The following PCDHA13 variants were observed in gnomAD, a reference collection of about 807,000 sequenced individuals.
The protein encoded by PCDHA13 is protocadherin alpha 13.
A neutral mutation model predicts 64.8 loss-of-function variants in PCDHA13; 54 were observed. That is an observed-to-expected ratio of 0.83 (90% CI 0.67 to 1.04). The LOEUF (loss-of-function observed/expected upper bound fraction) is 1.04. PCDHA13 is among the 50% of genes least tolerant of loss of function. The pLI is 0.00. For missense variants in PCDHA13, 1,248 were observed against 1,254.3 expected, an observed-to-expected ratio of 0.99 and a Z score of 0.08; for synonymous variants, 587 against 564.4, an observed-to-expected ratio of 1.04 and a Z score of -0.57.
At chr5:141,000,379 C>G (rs1286955585) in intron 3 of PCDHA13, among the ~76,000 whole-genome samples, 6 of 60,366 alleles carry the variant, frequency 9.9e-5, no homozygotes, top group South Asian at 5.4e-4. Context: ...CTCTCTCTCT[C>G]TCTCTCTCTC....
intron 3 of PCDHA13, among the ~76,000 whole-genome samples, chr5:141,000,403 A>G (rs1233777704): frequency 4.8e-5 from 4 of 84,110 alleles, no homozygotes; most frequent in Non-Finnish European, 9.0e-5. Context: ...CTCTATATAT[A>G]TATATATATA....
intron 1 of PCDHA13, among the ~76,000 whole-genome samples, chr5:140,964,713 A>C (rs2095850699): frequency 6.6e-6 from 1 of 152,070 alleles, no homozygotes; most frequent in South Asian, 2.1e-4. Flanking sequence ...TCCGAGATCA[A>C]ATTACCACAG....
In PCDHA13 at chr5:141,009,991, T is replaced by G. The variant is rs929729966; in HGVS notation, c.*54T>G. Reference sequence around the variant, plus strand: ...CCAGTTTTTGTAATAATGGCAAATCTCTCCCATGTAGCAATTCCCTGCTCC... The same window carrying G: ...CCAGTTTTTGTAATAATGGCAAATCGCTCCCATGTAGCAATTCCCTGCTCC... On this transcript the variant is annotated 3_prime_UTR_variant, in exon 4 of 4. Coordinates refer to ENST00000289272, the MANE Select transcript of PCDHA13 (RefSeq NM_018904.3). 13 of 1,578,088 alleles carry G rather than the reference T, an allele frequency of 8.2e-6. No individual in the cohort carries two copies. In the East Asian group the frequency reaches 2.5e-4, roughly 30 times the overall value.
chr5:140,935,894 C>CTTTT (rs55841305), intron 1 of PCDHA13, among the ~76,000 whole-genome samples: 9 of 136,750 alleles, frequency 6.6e-5, no homozygotes, highest in South Asian at 2.3e-4. Flanking sequence ...TCAATATTAT[C>CTTTT]TTTTTTTTTT....
chr5:140,935,380 A>C (rs1188418457), intron 1 of PCDHA13, among the ~76,000 whole-genome samples: 1 of 152,220 alleles, frequency 6.6e-6, no homozygotes, highest in Non-Finnish European at 1.5e-5. Context: ...AGAATTACTC[A>C]TTTGTTATCC....
At position 140,992,017 on chromosome 5, in the gene PCDHA13, CTGTGTGTG is replaced by C. The variant is rs10602499; in HGVS notation, c.2542+9484_2542+9491del. On this transcript the variant is annotated intron_variant, in intron 3 of 3. Coordinates refer to ENST00000289272, the MANE Select transcript of PCDHA13 (RefSeq NM_018904.3). ...CTTTCATGTTCAGGCAGAGGTGGCT[CTGTGTGTG>C]TGTGTGTGTGTGTGTGTGTGTGTGT... Among the ~76,000 whole-genome samples the C allele has an allele frequency of 9.8e-4, 142 of 145,616 alleles. No homozygotes were observed. The East Asian group carries it at 1.0e-2, about 10-fold the overall frequency.
At chr5:141,004,823 TTAGA>T (rs1175791432) in intron 3 of PCDHA13, among the ~76,000 whole-genome samples, 26 of 152,314 alleles carry the variant, frequency 1.7e-4, no homozygotes, top group African/African-American at 5.8e-4. Context: ...TTTGATTAAC[TTAGA>T]TAGATCAAAG....
chr5:140,889,547 T>C (rs2062267601), intron 1 of PCDHA13, among the ~76,000 whole-genome samples: 1 of 152,192 alleles, frequency 6.6e-6, no homozygotes, highest in Non-Finnish European at 1.5e-5. Context: ...TCTAATTTAC[T>C]TTTCTTCAGA....
At chr5:140,904,558 T>C (rs1288543737) in intron 1 of PCDHA13, among the ~76,000 whole-genome samples, 1 of 152,082 alleles carries the variant, frequency 6.6e-6, no homozygotes, top group Non-Finnish European at 1.5e-5. Flanking sequence ...ATAATGACTT[T>C]TTTTTCCTCT....
intron 3 of PCDHA13, among the ~76,000 whole-genome samples, chr5:140,983,479 G>A (rs1297150913): frequency 1.3e-5 from 2 of 152,194 alleles, no homozygotes; most frequent in Non-Finnish European, 2.9e-5. Context: ...GATAATAGTA[G>A]TTACTAATTA....
rs191892568 is a variant in PCDHA13, at chr5:140,903,945, C to T, written c.2394+19283C>T. 2.6e-5 allele frequency among the ~76,000 whole-genome samples: 4 copies of T among 152,280 alleles called. No homozygotes were observed. In the East Asian group the frequency reaches 5.8e-4, roughly 22 times the overall value. ...TGCATTGGATAATACCTCTTAAATA[C>T]TGGAAAATTATTTGTTGATTTTTGG... On this transcript the variant is annotated intron_variant, in intron 1 of 3. Transcript: ENST00000289272.
chr5:140,884,839 G>A lies in PCDHA13; in HGVS notation c.2394+177G>A, dbSNP rs180730260. Reference sequence around the variant, plus strand: ...ACATTATGTGTTGGATTATCCTTCAGAGTGAAATCTTAACTCACAAACCAT... The same window carrying A: ...ACATTATGTGTTGGATTATCCTTCAAAGTGAAATCTTAACTCACAAACCAT... On this transcript the variant is annotated intron_variant, in intron 1 of 3. Coordinates refer to ENST00000289272, the MANE Select transcript of PCDHA13 (RefSeq NM_018904.3). 2.5e-3 allele frequency: 2,207 copies of A among 893,274 alleles called. 7 individuals are homozygous for A. Among genetic ancestry groups the A allele is most frequent in the Middle Eastern group, 9.3e-3 (26 of 2,802 alleles). 55.3% of individuals were successfully genotyped at this position (893,274 alleles called of 1,614,324 possible). A position where few individuals can be genotyped will look rare whatever the true frequency, so the allele number is the denominator to read the frequency against.
rs558900138 is a variant in PCDHA13, at chr5:140,898,510, C to T, written c.2394+13848C>T. On this transcript the variant is annotated intron_variant, in intron 1 of 3. Coordinates refer to ENST00000289272, the MANE Select transcript of PCDHA13 (RefSeq NM_018904.3). ...AGATCAGATAGTTGTAGATATGCGG[C>T]GTTATTTCTGAGGGCTCTGTTCTGT... Among the ~76,000 whole-genome samples, 9 of 152,196 alleles carry T rather than the reference C, an allele frequency of 5.9e-5. No homozygotes were observed. In the South Asian group the frequency reaches 6.2e-4, roughly 11 times the overall value.
chr5:140,929,289 G>C (rs574226775), intron 1 of PCDHA13: 2 of 1,597,364 alleles, frequency 1.3e-6, no homozygotes, highest in African/African-American at 2.7e-5. Flanking sequence ...TTCAGATTCG[G>C]AATAGGAAAG....
intron 1 of PCDHA13, chr5:140,930,385 C>T (rs1335168502): frequency 6.6e-6 from 1 of 151,798 alleles, no homozygotes; most frequent in Non-Finnish European, 1.5e-5. Flanking sequence ...CTTGGCATTT[C>T]AAAACTTCTT....
intron 1 of PCDHA13, chr5:140,966,634 G>A: frequency 9.8e-7 from 1 of 1,022,982 alleles, no homozygotes; most frequent in Non-Finnish European, 1.3e-6. Flanking sequence ...GGCCCCAGGC[G>A]CTTTCTAGAG....
Position 140,882,402 on chromosome 5 carries a change from T to A in PCDHA13, c.134T>A (p.Val45Glu), listed in dbSNP as rs782437506. Residue 45 changes from valine (V) to glutamate (E), a missense_variant, in exon 1 of 4, where the codon GTG becomes GAG. Val to Glu is a moderately radical substitution (Grantham distance 121). Coordinates refer to ENST00000289272, the MANE Select transcript of PCDHA13 (RefSeq NM_018904.3). ...VPEEAKHGTF[V>E]GRIAQDLGLE... ...GAGGAAGCAAAACACGGCACCTTCG[T>A]GGGCCGCATCGCTCAGGACCTGGGG... 6 of 1,614,052 alleles carry A rather than the reference T, an allele frequency of 3.7e-6. No homozygotes were observed. Among genetic ancestry groups the A allele is most frequent in the South Asian group, 1.1e-5 (1 of 91,086 alleles).
At chr5:140,924,881 C>T (rs1177812297) in intron 1 of PCDHA13, among the ~76,000 whole-genome samples, 20 of 141,170 alleles carry the variant, frequency 1.4e-4, no homozygotes, top group African/African-American at 5.5e-4. Flanking sequence ...GGTGACAGAG[C>T]AAGAACCTGT....
chr5:140,971,973 A>G (rs1554233757), intron 1 of PCDHA13, among the ~76,000 whole-genome samples: 1 of 152,218 alleles, frequency 6.6e-6, no homozygotes, highest in South Asian at 2.1e-4. Flanking sequence ...TTTCAATACT[A>G]TGAGTAGACA....
Sources: allele counts gnomAD v4.1 joint callset (sites outside exome capture counted in the v4.1 genomes callset), GRCh38; gene constraint gnomAD v4.1.1; transcripts MANE v1.5; gene names NCBI Gene and HGNC (gene_info 2026-07-23, HGNC 2026-07-21).